SH3TC1: variants seen among roughly 807,000 people sequenced by gnomAD.
SH3TC1 encodes SH3 domain and tetratricopeptide repeat-containing protein 1.
SH3TC1 carries 135 observed loss-of-function variants against 117.3 expected under a neutral mutation model. The observed-to-expected ratio is 1.15, with a 90% CI of 1.00 to 1.33. SH3TC1 has a LOEUF of 1.33. SH3TC1 is among the 40% of genes most tolerant of loss of function. SH3TC1 has a pLI of 0.00. For missense variants in SH3TC1, 2,092 were observed against 1,794.3 expected (o/e 1.17, Z -3.00); for synonymous variants, 898 against 816.9 (o/e 1.10, Z -1.69).
At chr4:8,211,812 C>A (rs1718759085) in intron 3 of SH3TC1, among the ~76,000 whole-genome samples, 1 of 152,048 alleles carries the variant, frequency 6.6e-6, no homozygotes, top group South Asian at 2.1e-4. Flanking sequence ...TGGCAGGTGG[C>A]CCCTGAATGG....
intron 5 of SH3TC1, among the ~76,000 whole-genome samples, chr4:8,215,876 C>T (rs1174748282): frequency 6.6e-6 from 1 of 152,320 alleles, no homozygotes. Context: ...ATAACTTGAC[C>T]ACGGTTGCCG....
intron 9 of SH3TC1, among the ~76,000 whole-genome samples, chr4:8,222,263 T>C (rs1578703527): frequency 6.6e-6 from 1 of 151,818 alleles, no homozygotes; most frequent in East Asian, 1.9e-4. Context: ...GAGCTCACTG[T>C]CCTAGGACAC....
chr4:8,189,636 C>T (rs116372723), intron 1 of SH3TC1, among the ~76,000 whole-genome samples: 5 of 151,998 alleles, frequency 3.3e-5, no homozygotes, highest in African/African-American at 1.2e-4. Flanking sequence ...CGCCAAGTGC[C>T]CTGTGGTGCC....
Position 8,227,925 on chromosome 4 carries a change from C to T in SH3TC1, c.2231C>T (p.Ser744Leu), listed in dbSNP as rs370072593. 1.5e-4 allele frequency: 237 copies of T among 1,612,574 alleles called. 5 individuals carry two copies. The highest frequency in any genetic ancestry group is 7.1e-4 in the East Asian group (32 of 44,894). The change falls in exon 12 of 18, where the codon TCG becomes TTG. Residue 744 changes from serine (S) to leucine (L), a missense_variant. Physicochemically the swap from Ser to Leu is moderately radical, Grantham distance 145 (BLOSUM62 -2). Coordinates refer to ENST00000245105, the MANE Select transcript of SH3TC1 (RefSeq NM_018986.5). ...CGGACACGGGGCTCGCTGGCCGGCT[C>T]GCTGAGGAGTGTGAACCTGGTGCTC... ...SLRTRGSLAG[S>L]LRSVNLVLQN...
chr4:8,222,853 AT>A lies in SH3TC1; in HGVS notation c.1131del (p.Leu378SerfsTer23), dbSNP rs1367583371. 5.6e-6 allele frequency: 9 copies of A among 1,611,218 alleles called. No homozygotes were observed. The African/African-American group carries it at 1.2e-4, about 22-fold the overall frequency. ...QGPVSELESA[I>X]FLNEEEKSFF... ...TATTTTTTCCAGGTTGGAAAGTGCG[AT>A]TTTTCTCAATGAGGAAGAAAAGTCA... On this transcript the variant is annotated frameshift_variant, in exon 10 of 18. Transcript: ENST00000245105. LOFTEE classifies it high-confidence loss of function.
chr4:8,185,772 C>T lies in SH3TC1; in HGVS notation c.-57+3562C>T, dbSNP rs966808755. Among the ~76,000 whole-genome samples the T allele has an allele frequency of 2.6e-5, 4 of 152,226 alleles. No homozygotes were observed. In the South Asian group the frequency reaches 6.2e-4, roughly 24 times the overall value. ...TAGAAATAAGCTGTATGGACAACCACGTACCCTGCTGTTTCAGAAGTCGAC... is the reference window on the plus strand; with the variant it reads ...TAGAAATAAGCTGTATGGACAACCATGTACCCTGCTGTTTCAGAAGTCGAC... On this transcript the variant is annotated intron_variant, in intron 1 of 16. Transcript: ENST00000508641.
chr4:8,231,855 C>T, intron 12 of SH3TC1, 121 bp from the exon 13 acceptor site: 4 of 1,209,312 alleles, frequency 3.3e-6, no homozygotes, highest in Non-Finnish European at 4.6e-6. Context: ...CGGTTCCCCG[C>T]CTGTGGGGCC....
rs769424709 is a variant in SH3TC1 at position 8,237,574 on chromosome 4, G to T, written c.3657G>T (p.Leu1219=). 6.2e-7 allele frequency: 1 copy of T among 1,612,306 alleles called. No homozygotes were observed. Residue 1219 remains leucine, a synonymous_variant, in exon 17 of 18, where the codon CTG becomes CTT. Coordinates refer to ENST00000245105, the MANE Select transcript of SH3TC1 (RefSeq NM_018986.5). The part of the protein sequence containing the change: ...ELAEHFYLKA[L]SLCNSPLEFD... The stretch of plus-strand genomic sequence containing the variant: ...CAGAGCACTTCTACCTCAAGGCCCT[G>T]TCGCTCTGCAACTCGCCGCTGGAGT...
At chr4:8,207,316 C>T (rs1718295545) in intron 2 of SH3TC1, among the ~76,000 whole-genome samples, 1 of 152,232 alleles carries the variant, frequency 6.6e-6, no homozygotes. Flanking sequence ...TAGTCTCTGG[C>T]TGGTGACGCT....
intron 17 of SH3TC1, among the ~76,000 whole-genome samples, chr4:8,240,394 C>A (rs1722224626): frequency 6.6e-6 from 1 of 152,176 alleles, no homozygotes; most frequent in Admixed American, 6.5e-5. Flanking sequence ...ATGGAACTCT[C>A]AGAGCAGGCA....
At chr4:8,234,641 A>T (rs756186709) in intron 14 of SH3TC1, among the ~76,000 whole-genome samples, 7 of 152,084 alleles carry the variant, frequency 4.6e-5, no homozygotes, top group Non-Finnish European at 8.8e-5. Flanking sequence ...TTATCCATCC[A>T]TCCACTCATT....
chr4:8,228,479 G>A lies in SH3TC1; in HGVS notation c.2785G>A (p.Ala929Thr). The change falls in exon 12 of 18, where the codon GCC becomes ACC. Residue 929 changes from alanine to threonine, a missense_variant. Transcript: ENST00000245105. ...GCTGGCCCAGCACTACCTCCTGGAG[G>A]CCGTGCGGCTGTTCTCGAGGCTGCC... ...SRLAQHYLLEAVRLFSRLPLG... is the reference protein window; with the variant it reads ...SRLAQHYLLETVRLFSRLPLG... The A allele has an allele frequency of 1.2e-6, 2 of 1,610,208 alleles. No individual in the cohort carries two copies. The highest frequency in any genetic ancestry group is 1.7e-6 in the Non-Finnish European group (2 of 1,178,874).
Position 8,228,288 on chromosome 4 carries a change from T to C in SH3TC1, c.2594T>C (p.Ile865Thr), listed in dbSNP as rs758947681. ...VVASEDQEGV[I>T]ANMVAVALKR... ...GCCAGCGAGGACCAGGAGGGCGTGA[T>C]TGCCAACATGGTGGCCGTGGCTCTG... Residue 865 changes from isoleucine (I) to threonine (T), a missense_variant, in exon 12 of 18, where the codon ATT becomes ACT. Ile to Thr is a moderately conservative substitution (Grantham distance 89, BLOSUM62 -1). Transcript: ENST00000245105. The C allele has an allele frequency of 1.2e-5, 19 of 1,612,284 alleles. No individual in the cohort carries two copies. The highest frequency in any genetic ancestry group is 8.3e-5 in the Admixed American group (5 of 60,002).
At chr4:8,237,703 C>T (rs1435112272) in intron 17 of SH3TC1, 33 bp downstream of exon 17, 2 of 1,559,130 alleles carry the variant, frequency 1.3e-6, no homozygotes, top group East Asian at 2.3e-5. Flanking sequence ...CAGGGTGTTC[C>T]CGGCCCCCTT....
At chr4:8,197,945 A>G (rs1717616134), upstream of SH3TC1, among the ~76,000 whole-genome samples, 1 of 151,946 alleles carries the variant, frequency 6.6e-6, no homozygotes, top group African/African-American at 2.4e-5. Flanking sequence ...TGACCTGAGT[A>G]GCTCACCTGG....
At chr4:8,189,667 G>A (rs184413800) in intron 1 of SH3TC1, among the ~76,000 whole-genome samples, 3 of 152,328 alleles carry the variant, frequency 2.0e-5, no homozygotes, top group East Asian at 1.9e-4. Flanking sequence ...ATTCAGGGCC[G>A]GCGGGGGGCA....
At chr4:8,188,691 G>T (rs1717305628) in intron 1 of SH3TC1, among the ~76,000 whole-genome samples, 1 of 152,202 alleles carries the variant, frequency 6.6e-6, no homozygotes, top group Non-Finnish European at 1.5e-5. Flanking sequence ...CAAGTGAGGG[G>T]AGACCCCGGG....
intron 12 of SH3TC1, among the ~76,000 whole-genome samples, chr4:8,230,244 C>G (rs1158518954): frequency 6.6e-6 from 1 of 152,186 alleles, no homozygotes; most frequent in South Asian, 2.1e-4. Context: ...TCTGTCAGGT[C>G]AGCAATAATG....
At position 8,209,291 on chromosome 4, in the gene SH3TC1, G is replaced by T. The variant is rs149296925; in HGVS notation, c.173-457G>T. 3.3e-5 allele frequency among the ~76,000 whole-genome samples: 5 copies of T among 152,354 alleles called. No homozygotes were observed. The East Asian group carries it at 9.6e-4, about 29-fold the overall frequency. On this transcript the variant is annotated intron_variant, in intron 2 of 17. Coordinates refer to ENST00000245105, the MANE Select transcript of SH3TC1 (RefSeq NM_018986.5). The surrounding 1 kb of genome is among the most constrained non-coding windows in gnomAD (Gnocchi z 5.9). ...AGTGGGCCCTCCATGGAATCACAGG[G>T]CTTTTGTAGGAGGAAGGCAGGAGGG... is the stretch of plus-strand genomic sequence containing the variant.
Sources: gnomAD v4.1 joint callset for allele counts (sites outside exome capture counted in the v4.1 genomes callset) on GRCh38, gnomAD v4.1.1 for gene constraint, Gnocchi (gnomAD v3.1) non-coding constraint, MANE v1.5 for transcripts, NCBI Gene and HGNC (gene_info 2026-07-23, HGNC 2026-07-21) for gene names.